The following CDC5L variants were observed in gnomAD, a reference collection of about 807,000 sequenced individuals.
The protein encoded by CDC5L is cell division cycle 5 like, also known as cell division cycle 5-like protein.
CDC5L carries 18 observed loss-of-function variants against 104.1 expected under a neutral mutation model. The observed-to-expected ratio is 0.17, with a 90% CI of 0.12 to 0.26. The LOEUF (loss-of-function observed/expected upper bound fraction) is 0.26, where lower values mean the gene tolerates loss of function less well. Ranked by LOEUF, CDC5L falls within the 10% of genes least tolerant of loss-of-function variation. The probability of loss-of-function intolerance (pLI) is 1.00; values close to 1 mark genes in which losing one functional copy is unlikely to be tolerated. For synonymous variants in CDC5L, 331 were observed against 322.7 expected (o/e 1.03, Z -0.28); for missense variants, 673 against 956.9 (o/e 0.70, Z 3.91).
At chr6:44,429,577 C>A in intron 13 of CDC5L, 136 bp from the exon 14 acceptor site, 1 of 659,698 alleles carries the variant, frequency 1.5e-6, no homozygotes, top group Non-Finnish European at 2.6e-6. Context: ...GTATTGTTAT[C>A]CACCCTTCCA....
chr6:44,388,165 C>T (rs866450375), intron 1 of CDC5L, among the ~76,000 whole-genome samples: 1,289 of 128,790 alleles, frequency 0.01, 46 homozygotes, highest in East Asian at 0.05. Flanking sequence ...CCGCCCCCCC[C>T]GGCCCCGGGA....
At chr6:44,391,766 G>T (rs982847672) in intron 2 of CDC5L, among the ~76,000 whole-genome samples, 1 of 151,644 alleles carries the variant, frequency 6.6e-6, no homozygotes, top group East Asian at 1.9e-4. Context: ...CTAGCACTTC[G>T]GGAGGCCAAG....
chr6:44,399,398 A>T (rs1419197231), intron 5 of CDC5L, among the ~76,000 whole-genome samples: 1 of 152,218 alleles, frequency 6.6e-6, no homozygotes, highest in Non-Finnish European at 1.5e-5. Flanking sequence ...ATTTTTCAAA[A>T]TTTCAGCCAT....
At chr6:44,443,793 T>G (rs1282785586) in intron 14 of CDC5L, among the ~76,000 whole-genome samples, 3 of 152,026 alleles carry the variant, frequency 2.0e-5, no homozygotes, top group Non-Finnish European at 4.4e-5. Context: ...AATTTCCTGT[T>G]GGGTAAATCA....
chr6:44,438,255 G>A (rs573667201), intron 14 of CDC5L, among the ~76,000 whole-genome samples: 3 of 152,314 alleles, frequency 2.0e-5, no homozygotes, highest in Admixed American at 6.5e-5. Flanking sequence ...GGCTGAACAT[G>A]TTAAATTATA....
At chr6:44,390,711 C>G (rs115025978) in intron 2 of CDC5L, among the ~76,000 whole-genome samples, 1 of 152,038 alleles carries the variant, frequency 6.6e-6, no homozygotes. Context: ...GACAGATGAG[C>G]CCCAGCTTGT....
At chr6:44,390,956 TTAAA>T (rs1790567755) in intron 2 of CDC5L, among the ~76,000 whole-genome samples, 3 of 132,158 alleles carry the variant, frequency 2.3e-5, no homozygotes, top group Admixed American at 7.7e-5. Flanking sequence ...ATATTATATA[TTAAA>T]CATATTTAAT....
chr6:44,407,579 A>G (rs935170115), intron 7 of CDC5L, among the ~76,000 whole-genome samples: 8 of 152,012 alleles, frequency 5.3e-5, no homozygotes, highest in African/African-American at 1.7e-4. Context: ...CCATCTACCC[A>G]CCTCGGCCTC....
chr6:44,404,110 C>A, intron 6 of CDC5L, 83 bp downstream of exon 6: 1 of 827,028 alleles, frequency 1.2e-6, no homozygotes, highest in South Asian at 2.4e-5. Flanking sequence ...CTTGTCAGAG[C>A]CAGATTTTTA....
chr6:44,436,937 T>G (rs1322795066), intron 14 of CDC5L, among the ~76,000 whole-genome samples: 2 of 152,202 alleles, frequency 1.3e-5, no homozygotes, highest in African/African-American at 4.8e-5. Context: ...GATAGTGAAC[T>G]TCATTTTATT....
At chr6:44,417,163 C>T (rs995581741) in intron 8 of CDC5L, among the ~76,000 whole-genome samples, 8 of 151,968 alleles carry the variant, frequency 5.3e-5, no homozygotes, top group African/African-American at 1.5e-4. Context: ...GAGGACTCAG[C>T]GGTTCTGTGT....
In CDC5L at chr6:44,429,905, C is replaced by G; in HGVS notation, c.2086C>G (p.Leu696Val). 6.2e-7 allele frequency: 1 copy of G among 1,612,672 alleles called. No individual in the cohort carries two copies. Among genetic ancestry groups the G allele is most frequent in the Non-Finnish European group, 8.5e-7 (1 of 1,178,938 alleles). ...CAGAATTGAATCACTTGAAAAGAGG[C>G]TCGAGGTTGGTATCCTTTTAAAATT... ...KDRIESLEKR[L>V]EINRGHMTTE... Residue 696 changes from leucine (L) to valine (V), a missense_variant, in exon 14 of 16, where the codon CTC (leucine) becomes GTC (valine). Leu to Val is a conservative substitution (Grantham distance 32). Transcript: ENST00000371477.
chr6:44,440,627 G>A lies in CDC5L; in HGVS notation c.2092-5028G>A, dbSNP rs114810774. ...GATGTGATTTTTTCCATACACATAT[G>A]TGAAGTGATTAAATCAGCTAATTAA... is the stretch of plus-strand genomic sequence containing the variant. On this transcript the variant is annotated intron_variant, in intron 14 of 15. Coordinates refer to ENST00000371477, the MANE Select transcript of CDC5L (RefSeq NM_001253.4). Among the ~76,000 whole-genome samples the A allele has an allele frequency of 7.9e-3, 1,198 of 151,962 alleles. 21 individuals carry two copies. The highest frequency in any genetic ancestry group is 0.028 in the African/African-American group (1,144 of 41,392).
At chr6:44,423,433 T>A (rs1367143780) in intron 10 of CDC5L, among the ~76,000 whole-genome samples, 1 of 152,176 alleles carries the variant, frequency 6.6e-6, no homozygotes, top group Non-Finnish European at 1.5e-5. Flanking sequence ...CTGGGGAGAT[T>A]GACAGTACTA....
At chr6:44,400,939 T>C (rs368857294) in intron 5 of CDC5L, among the ~76,000 whole-genome samples, 216 of 152,306 alleles carry the variant, frequency 1.4e-3, no homozygotes, top group Non-Finnish European at 2.3e-3. Flanking sequence ...CTTCCTGATA[T>C]CAGTGTTTGA....
At chr6:44,430,411 A>G (rs980234365) in intron 14 of CDC5L, among the ~76,000 whole-genome samples, 3 of 149,084 alleles carry the variant, frequency 2.0e-5, no homozygotes, top group African/African-American at 7.5e-5. Context: ...AGTGGCTTCC[A>G]TGATTTTTCA....
chr6:44,399,442 C>G (rs181222553), intron 5 of CDC5L, among the ~76,000 whole-genome samples: 95 of 152,182 alleles, frequency 6.2e-4, no homozygotes, highest in African/African-American at 2.1e-3. Context: ...CTGCTCCTTT[C>G]ACTTCTCTCC....
At chr6:44,438,422 A>G (rs1793034497) in intron 14 of CDC5L, among the ~76,000 whole-genome samples, 1 of 152,228 alleles carries the variant, frequency 6.6e-6, no homozygotes, top group African/African-American at 2.4e-5. Context: ...GCCTGTTAGA[A>G]TCATTTGGGA....
chr6:44,414,624 T>A (rs906707050), intron 8 of CDC5L, among the ~76,000 whole-genome samples: 1 of 151,994 alleles, frequency 6.6e-6, no homozygotes, highest in Non-Finnish European at 1.5e-5. Flanking sequence ...ACGTGAACCA[T>A]TGCACCTGAC....
Sources: allele counts gnomAD v4.1 joint callset (sites outside exome capture counted in the v4.1 genomes callset), GRCh38; gene constraint gnomAD v4.1.1; transcripts MANE v1.5; gene names NCBI Gene and HGNC (gene_info 2026-07-23, HGNC 2026-07-21).